COL19A1: variants seen among roughly 807,000 people sequenced by gnomAD.
COL19A1 encodes collagen type XIX alpha 1 chain.
In COL19A1, 159 loss-of-function variants were observed where a neutral mutation model predicts 190.2. The ratio of observed to expected loss-of-function variants is 0.84; its 90% confidence interval spans 0.73 to 0.95. The LOEUF (loss-of-function observed/expected upper bound fraction) is 0.95. COL19A1 is among the 40% of genes least tolerant of loss of function. COL19A1 has a pLI of 0.00. For missense variants in COL19A1, 1,418 were observed against 1,431.9 expected, an observed-to-expected ratio of 0.99 and a Z score of 0.16; for synonymous variants, 509 against 458.9, an observed-to-expected ratio of 1.11 and a Z score of -1.39.
At chr6:70,071,883 AAAGT>A (rs1373153554) in intron 15 of COL19A1, among the ~76,000 whole-genome samples, 1 of 152,094 alleles carries the variant, frequency 6.6e-6, no homozygotes, top group African/African-American at 2.4e-5. Flanking sequence ...AATTTGGAAC[AAAGT>A]AAGTGGAGGG....
rs367615122 is a variant in COL19A1 at position 70,007,075 on chromosome 6, C to G, written c.1027-16552C>G. 1.2e-4 allele frequency among the ~76,000 whole-genome samples: 19 copies of G among 152,162 alleles called. 1 individual carries two copies. The East Asian group carries it at 1.9e-3, about 15-fold the overall frequency. ...CTAAATAACAAAATAGAAACCTTTA[C>G]CCAACCCAATGTTAGAAAATATTTT... On this transcript the variant is annotated intron_variant, in intron 11 of 50. Coordinates refer to ENST00000620364, the MANE Select transcript of COL19A1 (RefSeq NM_001858.6).
At chr6:70,192,494 T>TC (rs1766938664) in intron 48 of COL19A1, among the ~76,000 whole-genome samples, 2 of 146,748 alleles carry the variant, frequency 1.4e-5, no homozygotes, top group African/African-American at 2.5e-5. Flanking sequence ...TCTCTCTCTC[T>TC]TTCTTTCTTT....
intron 17 of COL19A1, among the ~76,000 whole-genome samples, chr6:70,124,227 A>G (rs192645055): frequency 6.6e-6 from 1 of 152,194 alleles, no homozygotes; most frequent in Non-Finnish European, 1.5e-5. Flanking sequence ...ACCTGCTGTT[A>G]TAAAATAGGA....
chr6:69,964,360 T>C (rs1582543472), intron 11 of COL19A1, among the ~76,000 whole-genome samples: 1 of 152,312 alleles, frequency 6.6e-6, no homozygotes, highest in East Asian at 1.9e-4. Context: ...ATTTTTGCTT[T>C]AGAATAACAG....
In COL19A1 at chr6:70,210,305, G is replaced by A. The variant is rs1339848448; in HGVS notation, c.*3031G>A. 1.3e-5 allele frequency among the ~76,000 whole-genome samples: 2 copies of A among 152,042 alleles called. No individual in the cohort carries two copies. Among genetic ancestry groups the A allele is most frequent in the African/African-American group, 2.4e-5 (1 of 41,404 alleles). On this transcript the variant is annotated 3_prime_UTR_variant, in exon 51 of 51. Transcript: ENST00000620364. ...CTTCAATTCATATTTATGGCCTTTG[G>A]AATCCAAAGAAAAACAGAAGAATAA...
rs573943399 is a variant in COL19A1, at chr6:70,035,192, G to C, written c.1135-712G>C. Reference sequence around the variant, plus strand: ...ATAAGAACCGTGGAAAGGATGCGTGGTCTTTAATGTTTGAGAGTTCTTAAG... The same window carrying C: ...ATAAGAACCGTGGAAAGGATGCGTGCTCTTTAATGTTTGAGAGTTCTTAAG... On this transcript the variant is annotated intron_variant, in intron 13 of 50. Transcript: ENST00000620364. 5.9e-5 allele frequency among the ~76,000 whole-genome samples: 9 copies of C among 152,306 alleles called. No individual in the cohort carries two copies. In the South Asian group the frequency reaches 1.9e-3, roughly 32 times the overall value.
intron 11 of COL19A1, among the ~76,000 whole-genome samples, chr6:69,988,212 A>G (rs1776412759): frequency 6.6e-6 from 1 of 152,220 alleles, no homozygotes; most frequent in African/African-American, 2.4e-5. Flanking sequence ...TCAGTGGTTT[A>G]CTACACCAAA....
In COL19A1 at chr6:70,144,950, G is replaced by C. The variant is rs753184437; in HGVS notation, c.1713G>C (p.Gly571=). 4 of 1,591,070 alleles carry C rather than the reference G, an allele frequency of 2.5e-6. No individual in the cohort carries two copies. The highest frequency in any genetic ancestry group is 1.3e-5 in the African/African-American group (1 of 74,542). The change falls in exon 25 of 51, where the codon GGG becomes GGC. Residue 571 remains glycine (G), a synonymous_variant. Coordinates refer to ENST00000620364, the MANE Select transcript of COL19A1 (RefSeq NM_001858.6). ...CGGGTGGGATCATAGGCCCTCCCGGGCTTCCAGGTCCAAAAGGTGAGGCTG... is the reference window on the plus strand; with the variant it reads ...CGGGTGGGATCATAGGCCCTCCCGGCCTTCCAGGTCCAAAAGGTGAGGCTG... ...GDPGGIIGPP[G]LPGPKGEAGP...
At chr6:70,096,653 G>T (rs967372295) in intron 15 of COL19A1, among the ~76,000 whole-genome samples, 2 of 152,176 alleles carry the variant, frequency 1.3e-5, no homozygotes, top group African/African-American at 2.4e-5. Flanking sequence ...TATTCTCAAA[G>T]TTCCACATAA....
chr6:70,192,123 C>T (rs1400485023), intron 48 of COL19A1, among the ~76,000 whole-genome samples: 1 of 152,036 alleles, frequency 6.6e-6, no homozygotes. Context: ...TGCAATGACG[C>T]GATCTCAGCC....
intron 36 of COL19A1, among the ~76,000 whole-genome samples, chr6:70,164,592 C>G (rs1788013192): frequency 6.6e-6 from 1 of 152,128 alleles, no homozygotes; most frequent in African/African-American, 2.4e-5. Context: ...GGAAATTATT[C>G]AGTCATAGAC....
chr6:70,072,998 T>TATTTATTA (rs1369262371), intron 15 of COL19A1, among the ~76,000 whole-genome samples: 57 of 142,070 alleles, frequency 4.0e-4, no homozygotes, highest in African/African-American at 1.5e-3. Context: ...TTTATTTATT[T>TATTTATTA]ATTATTGAGA....
chr6:70,144,816 G>A, intron 24 of COL19A1, 102 bp from the exon 25 acceptor site: 1 of 729,588 alleles, frequency 1.4e-6, no homozygotes. Flanking sequence ...AATGAAGTTT[G>A]ACTGGCTATG....
intron 4 of COL19A1, among the ~76,000 whole-genome samples, chr6:69,921,112 CA>C (rs1247246997): frequency 2.0e-5 from 2 of 97,842 alleles, no homozygotes; most frequent in African/African-American, 8.7e-5. Context: ...TATTCATATA[CA>C]TATATATCAC....
Position 70,146,653 on chromosome 6 carries a change from T to C in COL19A1, c.1771-6T>C, listed in dbSNP as rs1437212516. The stretch of plus-strand genomic sequence containing the variant: ...AAGATATGTATTCATACTTTTTTTC[T>C]TTTAGGGATTAGATGGAAATCCTGG... On this transcript the variant is annotated splice_region_variant and splice_polypyrimidine_tract_variant and intron_variant, in intron 25 of 50. Coordinates refer to ENST00000620364, the MANE Select transcript of COL19A1 (RefSeq NM_001858.6). 1 of 1,603,282 alleles carries C rather than the reference T, an allele frequency of 6.2e-7. No homozygotes were observed. Among genetic ancestry groups the C allele is most frequent in the South Asian group, 1.1e-5 (1 of 88,940 alleles).
intron 4 of COL19A1, among the ~76,000 whole-genome samples, chr6:69,917,927 G>A (rs541634780): frequency 1.3e-5 from 2 of 152,264 alleles, no homozygotes; most frequent in South Asian, 2.1e-4. Context: ...GCCAGTGGGC[G>A]GTGAGTTGAG....
At chr6:70,150,453 A>G (rs1474445592) in intron 30 of COL19A1, among the ~76,000 whole-genome samples, 1 of 152,158 alleles carries the variant, frequency 6.6e-6, no homozygotes, top group African/African-American at 2.4e-5. Flanking sequence ...CTGTAGCTTT[A>G]AAATGTTGCG....
chr6:70,074,282 T>G (rs950076301), intron 15 of COL19A1, among the ~76,000 whole-genome samples: 1 of 152,070 alleles, frequency 6.6e-6, no homozygotes, highest in Non-Finnish European at 1.5e-5. Flanking sequence ...GCGGATCACT[T>G]GAGATCAGAA....
intron 16 of COL19A1, among the ~76,000 whole-genome samples, chr6:70,119,452 C>G (rs1364977325): frequency 2.6e-5 from 4 of 152,042 alleles, no homozygotes; most frequent in Non-Finnish European, 4.4e-5. Context: ...GATTTTTTTT[C>G]AATTTCAGTA....
Sources: gnomAD v4.1 joint callset for allele counts (sites outside exome capture counted in the v4.1 genomes callset) on GRCh38, gnomAD v4.1.1 for gene constraint, MANE v1.5 for transcripts, NCBI Gene and HGNC (gene_info 2026-07-23, HGNC 2026-07-21) for gene names.